Variants in HS3ST5 observed in about 807,000 individuals in gnomAD.
HS3ST5 encodes heparan sulfate-glucosamine 3-sulfotransferase 5, also known as heparan sulfate glucosamine 3-O-sulfotransferase 5.
In HS3ST5, 10 loss-of-function variants were observed where a neutral mutation model predicts 25.4. That is an observed-to-expected ratio of 0.39 (90% CI 0.24 to 0.67). The LOEUF (loss-of-function observed/expected upper bound fraction) is 0.67, where lower values mean the gene tolerates loss of function less well. Ranked by LOEUF, HS3ST5 falls within the 30% of genes least tolerant of loss-of-function variation. The pLI, the probability that HS3ST5 is intolerant of heterozygous loss-of-function variation, is 0.44. For synonymous variants in HS3ST5, 170 were observed against 162.4 expected, an observed-to-expected ratio of 1.05 and a Z score of -0.36; for missense variants, 324 against 420.7, an observed-to-expected ratio of 0.77 and a Z score of 2.01.
intron 3 of HS3ST5, among the ~76,000 whole-genome samples, chr6:114,145,094 C>T (rs963284963): frequency 1.6e-4 from 24 of 152,178 alleles, no homozygotes; most frequent in Non-Finnish European, 2.8e-4. Context: ...CTGACCCTTA[C>T]TTCTTGGCAT....
chr6:114,185,403 G>A (rs1582693029), intron 2 of HS3ST5, among the ~76,000 whole-genome samples: 2 of 152,100 alleles, frequency 1.3e-5, no homozygotes, highest in Admixed American at 6.5e-5. Context: ...CCAGGATGAC[G>A]GACCTCACTA....
At chr6:114,269,788 T>C (rs1582774972) in intron 1 of HS3ST5, among the ~76,000 whole-genome samples, 1 of 152,154 alleles carries the variant, frequency 6.6e-6, no homozygotes, top group African/African-American at 2.4e-5. Flanking sequence ...GACTAGAAGA[T>C]CCTTGGAGAT....
At chr6:114,076,724 G>A (rs950356693) in intron 3 of HS3ST5, among the ~76,000 whole-genome samples, 14 of 152,152 alleles carry the variant, frequency 9.2e-5, no homozygotes, top group African/African-American at 2.9e-4. Flanking sequence ...TAAGAGCACT[G>A]TAATGAGAAA....
chr6:114,254,776 T>G (rs999097245), intron 1 of HS3ST5, among the ~76,000 whole-genome samples: 2 of 152,126 alleles, frequency 1.3e-5, no homozygotes, highest in African/African-American at 2.4e-5. Flanking sequence ...CTCATGAGAC[T>G]TACTCACTAC....
chr6:114,307,428 GTTT>G (rs200691305), intron 1 of HS3ST5, among the ~76,000 whole-genome samples: 1 of 147,308 alleles, frequency 6.8e-6, no homozygotes, highest in Non-Finnish European at 1.5e-5. Context: ...ATAAAACCTA[GTTT>G]TTTTTTTCTT....
intron 1 of HS3ST5, among the ~76,000 whole-genome samples, chr6:114,266,952 C>T (rs1466920839): frequency 6.6e-6 from 1 of 152,160 alleles, no homozygotes; most frequent in Non-Finnish European, 1.5e-5. Context: ...CTGTTGTTTT[C>T]ATGTCTGCAG....
chr6:114,255,072 C>A (rs1476493333), intron 1 of HS3ST5, among the ~76,000 whole-genome samples: 1 of 152,210 alleles, frequency 6.6e-6, no homozygotes, highest in Admixed American at 6.5e-5. Context: ...GTGACTTCCA[C>A]ATATGAGCCT....
intron 3 of HS3ST5, among the ~76,000 whole-genome samples, chr6:114,145,451 A>G (rs1778112559): frequency 6.6e-6 from 1 of 152,182 alleles, no homozygotes; most frequent in African/African-American, 2.4e-5. Flanking sequence ...GCCTGAAATG[A>G]AATGAGAATG....
At chr6:114,293,775 C>A (rs1273846239) in intron 1 of HS3ST5, among the ~76,000 whole-genome samples, 1 of 152,042 alleles carries the variant, frequency 6.6e-6, no homozygotes, top group Non-Finnish European at 1.5e-5. Flanking sequence ...AAAGAAGAGC[C>A]TGAGAAGAAG....
At chr6:114,111,163 T>G (rs1776247798) in intron 3 of HS3ST5, among the ~76,000 whole-genome samples, 1 of 152,204 alleles carries the variant, frequency 6.6e-6, no homozygotes, top group Middle Eastern at 3.2e-3. Context: ...TTTAATAATC[T>G]GACATAGAAA....
At chr6:114,335,156 T>G (rs958388216) in intron 1 of HS3ST5, among the ~76,000 whole-genome samples, 1 of 152,132 alleles carries the variant, frequency 6.6e-6, no homozygotes, top group African/African-American at 2.4e-5. Context: ...CCCCTTTAGC[T>G]CTGGGTCCTT....
At chr6:114,136,488 G>T (rs2114921694) in intron 3 of HS3ST5, among the ~76,000 whole-genome samples, 1 of 152,274 alleles carries the variant, frequency 6.6e-6, no homozygotes, top group South Asian at 2.1e-4. Flanking sequence ...CCCAGTCTCG[G>T]ATATATCTTT....
chr6:114,333,650 TAA>T (rs1776493555), intron 1 of HS3ST5, among the ~76,000 whole-genome samples: 1 of 152,024 alleles, frequency 6.6e-6, no homozygotes, highest in African/African-American at 2.4e-5. Flanking sequence ...TATATTTTTT[TAA>T]AATTTTTTTT....
intron 2 of HS3ST5, among the ~76,000 whole-genome samples, chr6:114,226,076 T>C (rs1031524364): frequency 2.0e-5 from 3 of 151,890 alleles, no homozygotes; most frequent in African/African-American, 7.2e-5. Flanking sequence ...GTAATAATGG[T>C]GAAACTAAAC....
rs1489764858 is a variant in HS3ST5 at position 114,230,879 on chromosome 6, C to T, written c.-338-2101G>A. Among the ~76,000 whole-genome samples, 7 of 152,222 alleles carry T rather than the reference C, an allele frequency of 4.6e-5. No homozygotes were observed. In the East Asian group the frequency reaches 5.8e-4, roughly 13 times the overall value. On this transcript the variant is annotated intron_variant, in intron 1 of 4. Coordinates refer to ENST00000312719, the MANE Select transcript of HS3ST5 (RefSeq NM_153612.4). ...CTGGGATTACAGGCTCGAGCCACCG[C>T]GCCCGGCCCCTAAGACGTACTTCTT...
chr6:114,194,438 G>T (rs1044017548), intron 2 of HS3ST5, among the ~76,000 whole-genome samples: 2 of 152,126 alleles, frequency 1.3e-5, no homozygotes, highest in Admixed American at 1.3e-4. Flanking sequence ...TAGTCTCTTT[G>T]TTAACTGCCT....
At chr6:114,144,451 G>T (rs922989684) in intron 3 of HS3ST5, among the ~76,000 whole-genome samples, 1 of 152,176 alleles carries the variant, frequency 6.6e-6, no homozygotes, top group Admixed American at 6.5e-5. Context: ...TCAGCTTTGG[G>T]ACGGTCTTTG....
rs911273055 is a variant in HS3ST5 at position 114,096,507 on chromosome 6, G to GA, written c.-32-33631dup. ...GATGACTGGAAAGGTTACCAGGTGA[G>GA]AAAAAATGAAGAGAGATGTTTAGCA... is the stretch of plus-strand genomic sequence containing the variant. On this transcript the variant is annotated intron_variant, in intron 3 of 4. Coordinates refer to ENST00000312719, the MANE Select transcript of HS3ST5 (RefSeq NM_153612.4). Among the ~76,000 whole-genome samples, 35 of 152,154 alleles carry GA rather than the reference G, an allele frequency of 2.3e-4. 1 individual carries two copies. Among genetic ancestry groups the GA allele is most frequent in the African/African-American group, 7.9e-4 (33 of 41,528 alleles).
intron 1 of HS3ST5, among the ~76,000 whole-genome samples, chr6:114,248,207 T>TG (rs1772470719): frequency 1.3e-5 from 1 of 77,596 alleles, no homozygotes; most frequent in African/African-American, 6.4e-5. Context: ...TCTCAAAAAA[T>TG]GAAAAAAAAA....
Sources: allele counts gnomAD v4.1 joint callset (sites outside exome capture counted in the v4.1 genomes callset), GRCh38; gene constraint gnomAD v4.1.1; transcripts MANE v1.5; gene names NCBI Gene and HGNC (gene_info 2026-07-23, HGNC 2026-07-21).